The following DNMT1 variants were observed in gnomAD, a reference collection of about 807,000 sequenced individuals.
DNMT1 encodes the protein DNA (cytosine-5)-methyltransferase 1.
A neutral mutation model predicts 205.3 loss-of-function variants in DNMT1; 24 were observed. The observed-to-expected ratio is 0.12, with a 90% CI of 0.08 to 0.16. The LOEUF is 0.16. Ranked by LOEUF, DNMT1 falls within the 10% of genes least tolerant of loss-of-function variation. The pLI is 1.00. For missense variants in DNMT1, 1,293 were observed against 2,177.7 expected, an observed-to-expected ratio of 0.59 and a Z score of 8.09; for synonymous variants, 817 against 839.8, an observed-to-expected ratio of 0.97 and a Z score of 0.47.
In DNMT1 at chr19:10,154,356, A is replaced by G. The variant is rs1187622264; in HGVS notation, c.1956T>C (p.Ile652=). The G allele has an allele frequency of 1.2e-6, 2 of 1,613,986 alleles. No homozygotes were observed. Among genetic ancestry groups the G allele is most frequent in the East Asian group, 4.5e-5 (2 of 44,882 alleles). Residue 652 remains isoleucine, a synonymous_variant, in exon 22 of 41, where the codon ATT becomes ATC. Transcript: ENST00000359526. This position sits in a 1 kb window ranked among gnomAD's most constrained non-coding sequence, Gnocchi z 6.3. ...CCTTGTCTTCTCTGTCATCCTTTTC[A>G]ATTTGCTCTGCGAAGAAAGTATCGA... The part of the protein sequence containing the change: ...QIFDTFFAEQ[I]EKDDREDKEN...
In DNMT1 at chr19:10,133,553, CCA is replaced by C. The variant is rs943115745; in HGVS notation, c.*112_*113del. Reference sequence around the variant, plus strand: ...CACAACAGCTTCATGTCAGCCAAGGCCACAAACACCATGTACCACACATGTGA... The same window carrying C: ...CACAACAGCTTCATGTCAGCCAAGGCCAAACACCATGTACCACACATGTGA... On this transcript the variant is annotated 3_prime_UTR_variant, in exon 41 of 41. Coordinates refer to ENST00000359526, the MANE Select transcript of DNMT1 (RefSeq NM_001130823.3). This position sits in a 1 kb window ranked among gnomAD's most constrained non-coding sequence, Gnocchi z 4.1. 83 of 1,275,046 alleles carry C rather than the reference CCA, an allele frequency of 6.5e-5. 1 individual carries two copies. The Admixed American group carries it at 1.2e-3, about 19-fold the overall frequency. 79.0% of individuals were successfully genotyped at this position (1,275,046 alleles called of 1,614,324 possible). A position where few individuals can be genotyped will look rare whatever the true frequency, so the allele number is the denominator to read the frequency against.
At chr19:10,175,710 A>G (rs2145365974) in intron 6 of DNMT1, 92 bp from the exon 7 acceptor site, 1 of 1,192,062 alleles carries the variant, frequency 8.4e-7, no homozygotes, top group South Asian at 1.2e-5. Flanking sequence ...GGATGTTGAA[A>G]GAGGCTTCAA....
chr19:10,170,145 C>T (rs1396016350), intron 9 of DNMT1, among the ~76,000 whole-genome samples: 1 of 151,670 alleles, frequency 6.6e-6, no homozygotes, highest in Non-Finnish European at 1.5e-5. Context: ...ATTAGGCGGA[C>T]GGGGTGGCGG....
chr19:10,156,601 T>G lies in DNMT1; in HGVS notation c.1281-92A>C. 3.4e-6 allele frequency: 3 copies of G among 892,494 alleles called. No homozygotes were observed. Among genetic ancestry groups the G allele is most frequent in the Non-Finnish European group, 3.8e-6 (2 of 532,490 alleles). 55.3% of individuals were successfully genotyped at this position (892,494 alleles called of 1,614,324 possible). A position where few individuals can be genotyped will look rare whatever the true frequency, so the allele number is the denominator to read the frequency against. On this transcript the variant is annotated intron_variant, in intron 17 of 40. Coordinates refer to ENST00000359526, the MANE Select transcript of DNMT1 (RefSeq NM_001130823.3). The surrounding 1 kb of genome is among the most constrained non-coding windows in gnomAD (Gnocchi z 4.2). ...GATCAGGCACGAGGCAATGAGAGAA[T>G]GTACAAGTCTGACACTCTTTTTTTG...
At chr19:10,155,796 G>A (rs2038445390) in intron 19 of DNMT1, 57 bp downstream of exon 19, 1 of 1,555,126 alleles carries the variant, frequency 6.4e-7, no homozygotes, top group Non-Finnish European at 8.8e-7. Flanking sequence ...CCCCAGGAAG[G>A]AGAACATGAA....
chr19:10,171,677 C>T (rs915718979), intron 9 of DNMT1, among the ~76,000 whole-genome samples: 3 of 152,028 alleles, frequency 2.0e-5, no homozygotes, highest in South Asian at 2.1e-4. Context: ...TGGTGGCAGG[C>T]GCCTGTGGTC....
At chr19:10,165,512 C>G (rs1437892685) in intron 11 of DNMT1, among the ~76,000 whole-genome samples, 1 of 152,204 alleles carries the variant, frequency 6.6e-6, no homozygotes, top group Non-Finnish European at 1.5e-5. Context: ...CCTACCTCAG[C>G]CTCCCAAGTA....
At chr19:10,152,399 G>T (rs1416124508) in intron 22 of DNMT1, among the ~76,000 whole-genome samples, 1 of 151,112 alleles carries the variant, frequency 6.6e-6, no homozygotes, top group Non-Finnish European at 1.5e-5. Flanking sequence ...AGCAGAGGTA[G>T]ATGGATCACT....
chr19:10,134,394 G>T, intron 39 of DNMT1, 87 bp from the exon 40 acceptor site: 1 of 1,288,006 alleles, frequency 7.8e-7, no homozygotes, highest in African/African-American at 1.5e-5. Flanking sequence ...CTGCTCAGAT[G>T]GAGGACAACC....
At chr19:10,143,628 TA>T in intron 29 of DNMT1, 137 bp downstream of exon 29, 2 of 986,930 alleles carry the variant, frequency 2.0e-6, no homozygotes, top group Non-Finnish European at 1.6e-6. Flanking sequence ...TGCCCACCGA[TA>T]ATCAGAAACA....
intron 1 of DNMT1, among the ~76,000 whole-genome samples, chr19:10,193,909 G>A (rs2039349794): frequency 6.6e-6 from 1 of 152,168 alleles, no homozygotes; most frequent in South Asian, 2.1e-4. Context: ...TGGCGTTCAT[G>A]AACAAGGGGC....
chr19:10,179,252 G>A (rs566651049), intron 5 of DNMT1, among the ~76,000 whole-genome samples: 1 of 151,580 alleles, frequency 6.6e-6, no homozygotes, highest in African/African-American at 2.4e-5. Flanking sequence ...TGTAGCACTT[G>A]TCATCTGCAA....
At chr19:10,173,462 G>T (rs766776727) in intron 8 of DNMT1, among the ~76,000 whole-genome samples, 2 of 151,830 alleles carry the variant, frequency 1.3e-5, no homozygotes, top group African/African-American at 4.8e-5. Flanking sequence ...TGGTTGCCAT[G>T]GAAACACACG....
In DNMT1 at chr19:10,138,753, G is replaced by T. The variant is rs2145261220; in HGVS notation, c.3949-148C>A. 1 of 1,076,008 alleles carries T rather than the reference G, an allele frequency of 9.3e-7. No homozygotes were observed. The highest frequency in any genetic ancestry group is 1.3e-6 in the Non-Finnish European group (1 of 755,682). 66.7% of individuals were successfully genotyped at this position (1,076,008 alleles called of 1,614,324 possible). On this transcript the variant is annotated intron_variant, in intron 34 of 40. Transcript: ENST00000359526. The surrounding 1 kb of genome is among the most constrained non-coding windows in gnomAD (Gnocchi z 4.1). ...CAGAAATCCCCAGTTACCTCAGCAG[G>T]CGTGCTCCTGGTCAGAGGAGTTTGG...
chr19:10,163,230 G>A (rs547698248), intron 12 of DNMT1, 96 bp downstream of exon 12: 7 of 1,393,352 alleles, frequency 5.0e-6, no homozygotes, highest in Non-Finnish European at 7.1e-6. Flanking sequence ...GCCTCCCAAA[G>A]TGCTGGGATT....
chr19:10,190,580 C>T (rs138831826), intron 1 of DNMT1, among the ~76,000 whole-genome samples: 1 of 151,844 alleles, frequency 6.6e-6, no homozygotes, highest in Non-Finnish European at 1.5e-5. Flanking sequence ...CTGGCCAACA[C>T]GGTAAACCCC....
intron 30 of DNMT1, chr19:10,141,524 T>C (rs2089600052): frequency 5.2e-6 from 2 of 385,434 alleles, no homozygotes; most frequent in Non-Finnish European, 9.8e-6. Flanking sequence ...CGTTTTAAGG[T>C]AACAACACGG....
Position 10,182,431 on chromosome 19 carries a change from GTA to G in DNMT1, c.81-356_81-355del, listed in dbSNP as rs1049934606. 1.6e-4 allele frequency among the ~76,000 whole-genome samples: 21 copies of G among 131,950 alleles called. No individual in the cohort carries two copies. In the East Asian group the frequency reaches 2.4e-3, roughly 15 times the overall value. 86.6% of individuals were successfully genotyped at this position (131,950 alleles called of 152,430 possible). A position where few individuals can be genotyped will look rare whatever the true frequency, so the allele number is the denominator to read the frequency against. On this transcript the variant is annotated intron_variant, in intron 1 of 40. Coordinates refer to ENST00000359526, the MANE Select transcript of DNMT1 (RefSeq NM_001130823.3). ...CATATATATGTGTATATATATGTGT[GTA>G]TATATATACATATATATGTGTATAT...
chr19:10,133,805 T>G lies in DNMT1; in HGVS notation c.4865-104A>C, dbSNP rs2089422377. On this transcript the variant is annotated intron_variant, in intron 40 of 40. Transcript: ENST00000359526. The surrounding 1 kb of genome is among the most constrained non-coding windows in gnomAD (Gnocchi z 4.1). ...GGACCATCAGGAAACATTAACGTACTGATGTTAACAGCTGACCCAATAAGT... is the reference window on the plus strand; with the variant it reads ...GGACCATCAGGAAACATTAACGTACGGATGTTAACAGCTGACCCAATAAGT... 3 of 1,244,888 alleles carry G rather than the reference T, an allele frequency of 2.4e-6. No individual in the cohort carries two copies. The highest frequency in any genetic ancestry group is 3.5e-6 in the Non-Finnish European group (3 of 868,152). 77.1% of individuals were successfully genotyped at this position (1,244,888 alleles called of 1,614,324 possible).
Sources: gnomAD v4.1 joint callset for allele counts (sites outside exome capture counted in the v4.1 genomes callset) on GRCh38, gnomAD v4.1.1 for gene constraint, Gnocchi (gnomAD v3.1) non-coding constraint, MANE v1.5 for transcripts, NCBI Gene and HGNC (gene_info 2026-07-23, HGNC 2026-07-21) for gene names.